TMEM131: variants seen among roughly 807,000 people sequenced by gnomAD.
TMEM131 encodes transmembrane protein 131, also known as 2610524E03Rik.
A neutral mutation model predicts 211.6 loss-of-function variants in TMEM131; 66 were observed. The observed-to-expected ratio is 0.31, with a 90% CI of 0.26 to 0.38. TMEM131 has a LOEUF of 0.38. Among genes scored for constraint, TMEM131 ranks in the 10% least tolerant of loss-of-function variants. The pLI is 1.00. For missense variants in TMEM131, 2,036 were observed against 2,299.3 expected, an observed-to-expected ratio of 0.89 and a Z score of 2.34; for synonymous variants, 844 against 841.3, an observed-to-expected ratio of 1.00 and a Z score of -0.06.
At chr2:97,815,329 A>C (rs566032712) in intron 12 of TMEM131, 22 bp from the exon 13 acceptor site, 2 of 1,435,440 alleles carry the variant, frequency 1.4e-6, no homozygotes, top group South Asian at 1.3e-5. Flanking sequence ...CATAAAAAAT[A>C]ATCTCTGTTA....
chr2:97,959,215 G>A (rs971451252), intron 1 of TMEM131, among the ~76,000 whole-genome samples: 4 of 152,168 alleles, frequency 2.6e-5, no homozygotes, highest in African/African-American at 9.7e-5. Context: ...AGAAACGTGG[G>A]GGGAGACACA....
At chr2:97,823,412 G>C (rs907846205) in intron 11 of TMEM131, among the ~76,000 whole-genome samples, 1 of 152,148 alleles carries the variant, frequency 6.6e-6, no homozygotes, top group Non-Finnish European at 1.5e-5. Context: ...GTCCTACATG[G>C]TCTAGGGCAA....
rs1321161563 is a variant in TMEM131 at position 97,908,723 on chromosome 2, T to TA, written c.250-26dup. On this transcript the variant is annotated intron_variant, in intron 2 of 40. Transcript: ENST00000186436. ...TCTGTAAAAGGAATAAAATAATGAT[T>TA]AAAAAACTGAAGCCAAATATTTATA... 9 of 1,591,586 alleles carry TA rather than the reference T, an allele frequency of 5.7e-6. No individual in the cohort carries two copies. In the South Asian group the frequency reaches 6.8e-5, roughly 12 times the overall value.
chr2:97,863,634 G>C (rs1472011523), intron 4 of TMEM131, among the ~76,000 whole-genome samples: 2 of 152,130 alleles, frequency 1.3e-5, no homozygotes, highest in Non-Finnish European at 2.9e-5. Flanking sequence ...AAATGACAAA[G>C]AGGTATATAA....
intron 17 of TMEM131, among the ~76,000 whole-genome samples, chr2:97,811,769 C>G (rs955841093): frequency 1.3e-5 from 2 of 152,226 alleles, no homozygotes; most frequent in African/African-American, 4.8e-5. Context: ...AAAACTGCCC[C>G]AAGAAATTCT....
intron 1 of TMEM131, among the ~76,000 whole-genome samples, chr2:97,951,436 A>G (rs1678309866): frequency 6.6e-6 from 1 of 152,052 alleles, no homozygotes; most frequent in African/African-American, 2.4e-5. Context: ...GGTGAATAAG[A>G]GCATTTCCCG....
In TMEM131 at chr2:97,925,714, T is replaced by C. The variant is rs117257820; in HGVS notation, c.249+1712A>G. Among the ~76,000 whole-genome samples the C allele has an allele frequency of 3.7e-4, 56 of 152,308 alleles. 2 individuals are homozygous for C. In the East Asian group the frequency reaches 0.011, roughly 29 times the overall value. On this transcript the variant is annotated intron_variant, in intron 2 of 40. Coordinates refer to ENST00000186436, the MANE Select transcript of TMEM131 (RefSeq NM_015348.2). ...TATTTAACTTCCATAAACCTAATTT[T>C]CCTTATCTAAAAATAAAGAAAACAA... is the stretch of plus-strand genomic sequence containing the variant.
At chr2:97,962,191 TC>T (rs1678846925) in intron 1 of TMEM131, among the ~76,000 whole-genome samples, 1 of 152,064 alleles carries the variant, frequency 6.6e-6, no homozygotes, top group Non-Finnish European at 1.5e-5. Context: ...ATATTTACTC[TC>T]AAAAAACGCT....
At chr2:97,991,475 C>G (rs575145844) in intron 1 of TMEM131, among the ~76,000 whole-genome samples, 11 of 152,202 alleles carry the variant, frequency 7.2e-5, no homozygotes, top group African/African-American at 2.4e-4. Context: ...GTGGGGCAGG[C>G]AGAATAATCA....
At position 97,766,572 on chromosome 2, in the gene TMEM131, C is replaced by G; in HGVS notation, c.4479G>C (p.Leu1493Phe). Residue 1493 changes from leucine to phenylalanine, a missense_variant, in exon 34 of 41, where the codon TTG becomes TTC. By Grantham distance (22) the Leu-to-Phe change is conservative. Around this residue, in one of 3 missense-constraint regions of TMEM131, gnomAD observed 1,623 missense variants for 1,805.9 expected, o/e 0.90. Transcript: ENST00000186436. ...GGAGATTTCTACGTTGCTTACTTTC[C>G]AAAGGGGGAGTATATGGTAGTTCTA... is the stretch of plus-strand genomic sequence containing the variant. ...SSLELPYTPP[L>F]ESKQRRNLPS... The G allele has an allele frequency of 6.2e-7, 1 of 1,613,864 alleles. No homozygotes were observed. Among genetic ancestry groups the G allele is most frequent in the Non-Finnish European group, 8.5e-7 (1 of 1,179,828 alleles).
At chr2:97,805,347 A>C in intron 21 of TMEM131, 29 bp downstream of exon 21, 1 of 1,607,634 alleles carries the variant, frequency 6.2e-7, no homozygotes, top group Non-Finnish European at 8.5e-7. Context: ...GGAAGTGAAG[A>C]CATGAGAGAG....
At chr2:97,822,552 G>C (rs552590871) in intron 11 of TMEM131, among the ~76,000 whole-genome samples, 4 of 152,066 alleles carry the variant, frequency 2.6e-5, no homozygotes, top group East Asian at 1.9e-4. Flanking sequence ...AGAATGCGTC[G>C]GTAAGGGCCA....
At chr2:97,892,206 T>C (rs187951075) in intron 3 of TMEM131, among the ~76,000 whole-genome samples, 214 of 152,336 alleles carry the variant, frequency 1.4e-3, no homozygotes, top group Non-Finnish European at 2.0e-3. Context: ...GGAAAGTTTT[T>C]TAACTGGAAT....
chr2:97,840,294 T>C (rs1032950793), intron 7 of TMEM131, among the ~76,000 whole-genome samples: 4 of 152,198 alleles, frequency 2.6e-5, no homozygotes, highest in African/African-American at 7.2e-5. Flanking sequence ...ACTCTGGCAA[T>C]TGTAGACTGA....
chr2:97,817,231 C>G (rs1341259730), intron 12 of TMEM131, among the ~76,000 whole-genome samples: 1 of 148,412 alleles, frequency 6.7e-6, no homozygotes, highest in Non-Finnish European at 1.5e-5. Flanking sequence ...TGCAGAGCAG[C>G]TCTTCACCCT....
chr2:97,909,847 C>G (rs1676222544), intron 2 of TMEM131, among the ~76,000 whole-genome samples: 1 of 151,888 alleles, frequency 6.6e-6, no homozygotes, highest in Admixed American at 6.6e-5. Context: ...ATGGTAATAA[C>G]CGTTGAGTCT....
At chr2:97,929,705 C>T (rs1030636490) in intron 1 of TMEM131, among the ~76,000 whole-genome samples, 1 of 151,868 alleles carries the variant, frequency 6.6e-6, no homozygotes, top group Non-Finnish European at 1.5e-5. Context: ...ACCTGCTCCA[C>T]TTCTATTCAT....
chr2:97,969,162 C>T (rs1015449694), intron 1 of TMEM131, among the ~76,000 whole-genome samples: 14 of 151,794 alleles, frequency 9.2e-5, no homozygotes, highest in African/African-American at 3.4e-4. Context: ...CATTTAAGAG[C>T]AATTTGTTGA....
At position 97,796,829 on chromosome 2, in the gene TMEM131, G is replaced by A; in HGVS notation, c.3013+15C>T. 6.2e-7 allele frequency: 1 copy of A among 1,608,678 alleles called. No individual in the cohort carries two copies. The highest frequency in any genetic ancestry group is 8.5e-7 in the Non-Finnish European group (1 of 1,177,716). ...TGCTGAAATTAGTGTCCTTGAAACT[G>A]TTAGGAAGACTTACTATCTGTACAA... On this transcript the variant is annotated intron_variant, in intron 27 of 40. Transcript: ENST00000186436.
Sources: allele counts gnomAD v4.1 joint callset (sites outside exome capture counted in the v4.1 genomes callset), GRCh38; gene constraint gnomAD v4.1.1; regional missense constraint gnomAD v4.1.1; transcripts MANE v1.5; gene names NCBI Gene and HGNC (gene_info 2026-07-23, HGNC 2026-07-21).